The following ADAMTS6 variants were observed in gnomAD, a reference collection of about 807,000 sequenced individuals.
ADAMTS6 encodes A disintegrin and metalloproteinase with thrombospondin motifs 6.
Under a neutral mutation model 144.3 loss-of-function variants are expected in ADAMTS6, and 23 were observed. That is an observed-to-expected ratio of 0.16 (90% CI 0.11 to 0.23). The LOEUF is 0.23. Ranked by LOEUF, ADAMTS6 falls within the 10% of genes least tolerant of loss-of-function variation. The pLI is 1.00. For synonymous variants in ADAMTS6, 444 were observed against 457.5 expected (o/e 0.97, Z 0.38); for missense variants, 999 against 1,379.6 (o/e 0.72, Z 4.37).
intron 10 of ADAMTS6, among the ~76,000 whole-genome samples, chr5:65,298,002 A>C (rs957422418): frequency 6.6e-6 from 1 of 152,240 alleles, no homozygotes; most frequent in African/African-American, 2.4e-5. Context: ...TAAAGCTTAA[A>C]TAATGCTTTT....
chr5:65,277,452 C>T (rs764951102), intron 11 of ADAMTS6, among the ~76,000 whole-genome samples: 10 of 152,042 alleles, frequency 6.6e-5, no homozygotes, highest in Admixed American at 2.6e-4. Flanking sequence ...TGCTTTATTT[C>T]GTTTTGAGGT....
At chr5:65,428,884 G>A (rs1304203022) in intron 7 of ADAMTS6, among the ~76,000 whole-genome samples, 1 of 152,126 alleles carries the variant, frequency 6.6e-6, no homozygotes, top group Non-Finnish European at 1.5e-5. Context: ...ATGCCATTAG[G>A]AGAAAAAGGA....
At chr5:65,316,367 A>G (rs1744998815) in intron 9 of ADAMTS6, among the ~76,000 whole-genome samples, 1 of 152,236 alleles carries the variant, frequency 6.6e-6, no homozygotes, top group Non-Finnish European at 1.5e-5. Flanking sequence ...ACTGCAGGAT[A>G]CACATTCTAA....
chr5:65,245,083 ACTT>A (rs1759513500), intron 14 of ADAMTS6, among the ~76,000 whole-genome samples: 1 of 152,142 alleles, frequency 6.6e-6, no homozygotes, highest in Non-Finnish European at 1.5e-5. Context: ...ACTCGTATTT[ACTT>A]CCTAGGCAAC....
At chr5:65,308,464 T>C (rs1744157015) in intron 9 of ADAMTS6, among the ~76,000 whole-genome samples, 2 of 152,030 alleles carry the variant, frequency 1.3e-5, no homozygotes, top group Admixed American at 1.3e-4. Context: ...AACTGGAAAC[T>C]GGCTGGTAAT....
intron 7 of ADAMTS6, among the ~76,000 whole-genome samples, chr5:65,375,262 G>C (rs1297351386): frequency 6.6e-6 from 1 of 152,114 alleles, no homozygotes; most frequent in Non-Finnish European, 1.5e-5. Context: ...TGACAAATGG[G>C]ATCTAATTAA....
intron 9 of ADAMTS6, among the ~76,000 whole-genome samples, chr5:65,300,960 A>T (rs995289543): frequency 6.6e-6 from 1 of 152,178 alleles, no homozygotes; most frequent in African/African-American, 2.4e-5. Flanking sequence ...AATATTAATA[A>T]AAGAGAATTT....
intron 7 of ADAMTS6, among the ~76,000 whole-genome samples, chr5:65,427,238 AT>A (rs1177043671): frequency 6.6e-6 from 1 of 152,008 alleles, no homozygotes; most frequent in Admixed American, 6.6e-5. Context: ...TTCTATTTTT[AT>A]TTTTATTCTA....
intron 7 of ADAMTS6, among the ~76,000 whole-genome samples, chr5:65,406,512 G>T (rs1754511859): frequency 6.6e-6 from 1 of 152,100 alleles, no homozygotes. Context: ...TGATCATGGT[G>T]GATAAGCTTT....
At chr5:65,407,249 C>G (rs1199355574) in intron 7 of ADAMTS6, among the ~76,000 whole-genome samples, 3 of 151,996 alleles carry the variant, frequency 2.0e-5, no homozygotes, top group Non-Finnish European at 4.4e-5. Context: ...GGTCGGGTTA[C>G]CCACAAAGGG....
chr5:65,260,569 AT>A (rs760245249), intron 14 of ADAMTS6, 30 bp downstream of exon 14: 18 of 1,601,352 alleles, frequency 1.1e-5, no homozygotes, highest in Non-Finnish European at 1.5e-5. Context: ...GAGTAAGCTA[AT>A]TTTTCATAAC....
chr5:65,316,209 G>A (rs973176181), intron 9 of ADAMTS6, among the ~76,000 whole-genome samples: 4 of 152,148 alleles, frequency 2.6e-5, no homozygotes, highest in Non-Finnish European at 5.9e-5. Context: ...ACCACGCCCA[G>A]CCTATAGTTA....
chr5:65,349,837 G>A (rs934641707), intron 7 of ADAMTS6, among the ~76,000 whole-genome samples: 27 of 150,214 alleles, frequency 1.8e-4, no homozygotes, highest in Admixed American at 4.6e-4. Flanking sequence ...CTGTGCAACA[G>A]AGTGAGACTG....
rs1387072755 is a variant in ADAMTS6 at position 65,213,609 on chromosome 5, TG to T, written c.2575+1184del. On this transcript the variant is annotated intron_variant, in intron 20 of 24. Coordinates refer to ENST00000381055, the MANE Select transcript of ADAMTS6 (RefSeq NM_197941.4). The stretch of plus-strand genomic sequence containing the variant: ...ATGATCGTGTCACTGCACTCCAGCT[TG>T]GGCAACAGAGCAAAAACCTGTCTCA... Among the ~76,000 whole-genome samples, 4 of 151,530 alleles carry T rather than the reference TG, an allele frequency of 2.6e-5. No individual in the cohort carries two copies. In the East Asian group the frequency reaches 7.7e-4, roughly 29 times the overall value.
At chr5:65,170,897 C>T (rs1753579777) in intron 23 of ADAMTS6, 124 bp from the exon 24 acceptor site, 17 of 1,043,798 alleles carry the variant, frequency 1.6e-5, no homozygotes, top group South Asian at 3.7e-5. Flanking sequence ...TGAGACACAG[C>T]GTCTTGCTAT....
chr5:65,196,990 G>A (rs112165469), intron 21 of ADAMTS6, 32 bp downstream of exon 21: 20 of 1,597,450 alleles, frequency 1.3e-5, no homozygotes, highest in African/African-American at 9.5e-5. Flanking sequence ...TGCACCTGAA[G>A]AAAATAATTC....
chr5:65,220,142 G>A (rs892234747), intron 18 of ADAMTS6, among the ~76,000 whole-genome samples: 1 of 152,056 alleles, frequency 6.6e-6, no homozygotes, highest in Non-Finnish European at 1.5e-5. Flanking sequence ...ATCATATAAG[G>A]TGTGTTTTCT....
chr5:65,311,590 GAT>G (rs1744497138), intron 9 of ADAMTS6, among the ~76,000 whole-genome samples: 1 of 151,906 alleles, frequency 6.6e-6, no homozygotes, highest in African/African-American at 2.4e-5. Context: ...CATTTTTTAA[GAT>G]ATATGAGGCA....
chr5:65,189,708 A>C (rs890955317), intron 21 of ADAMTS6, among the ~76,000 whole-genome samples: 1 of 152,232 alleles, frequency 6.6e-6, no homozygotes, highest in East Asian at 1.9e-4. Context: ...TATAGAAGAA[A>C]GTAAGATCCA....
Sources: gnomAD v4.1 joint callset for allele counts (sites outside exome capture counted in the v4.1 genomes callset) on GRCh38, gnomAD v4.1.1 for gene constraint, MANE v1.5 for transcripts, NCBI Gene and HGNC (gene_info 2026-07-23, HGNC 2026-07-21) for gene names.